The following CPLANE1 variants were observed in gnomAD, a reference collection of about 807,000 sequenced individuals.
CPLANE1 encodes ciliogenesis and planar polarity effector complex subunit 1.
CPLANE1 carries 263 observed loss-of-function variants against 362.5 expected under a neutral mutation model. The observed-to-expected ratio is 0.73, with a 90% confidence interval of 0.66 to 0.80. CPLANE1 has a LOEUF of 0.80. Among genes scored for constraint, CPLANE1 ranks in the 30% least tolerant of loss-of-function variants. The pLI, the probability that CPLANE1 is intolerant of heterozygous loss-of-function variation, is 0.00. For missense variants in CPLANE1, 3,461 were observed against 3,793.4 expected (o/e 0.91, Z 2.30); for synonymous variants, 1,212 against 1,302.6 (o/e 0.93, Z 1.50).
In CPLANE1 at chr5:37,141,149, G is replaced by T. The variant is rs1181847216; in HGVS notation, c.8632+1161C>A. 3.0e-6 allele frequency: 3 copies of T among 984,948 alleles called. No homozygotes were observed. In the East Asian group the frequency reaches 3.4e-4, roughly 112 times the overall value. The allele number at this position is 984,948 out of a possible 1,614,324, so 61.0% of individuals were successfully genotyped here. A position where few individuals can be genotyped will look rare whatever the true frequency, so the allele number is the denominator to read the frequency against. ...CTAGCCAGGCCCTCATTATTTCCCA[G>T]GTCAGATTTTAGTAGCCTCCTCAGT... On this transcript the variant is annotated intron_variant, in intron 44 of 52. Coordinates refer to ENST00000651892, the MANE Select transcript of CPLANE1 (RefSeq NM_001384732.1).
intron 47 of CPLANE1, among the ~76,000 whole-genome samples, chr5:37,123,303 T>C (rs1416848153): frequency 2.0e-5 from 3 of 152,174 alleles, no homozygotes; most frequent in Non-Finnish European, 2.9e-5. Flanking sequence ...CAATTATGTA[T>C]ATAAAAATGG....
intron 21 of CPLANE1, among the ~76,000 whole-genome samples, chr5:37,194,726 C>T (rs933451338): frequency 1.3e-5 from 2 of 150,276 alleles, no homozygotes; most frequent in African/African-American, 4.9e-5. Flanking sequence ...TGGCTATTCA[C>T]AGGTACAATC....
chr5:37,125,052 C>A (rs1245329948), intron 47 of CPLANE1, 192 bp downstream of exon 47: 3 of 1,356,678 alleles, frequency 2.2e-6, no homozygotes, highest in Non-Finnish European at 2.8e-6. Context: ...TTCAGTATAA[C>A]TTGGTTAGCA....
At position 37,173,740 on chromosome 5, in the gene CPLANE1, T is replaced by C. The variant is rs779590460; in HGVS notation, c.6171+15A>G. On this transcript the variant is annotated intron_variant, in intron 32 of 52. Transcript: ENST00000651892. Reference sequence around the variant, plus strand: ...CTATGTGTAGATTTACTTACTTATATAGAGATGTGCTTACCTGAACTAATT... The same window carrying C: ...CTATGTGTAGATTTACTTACTTATACAGAGATGTGCTTACCTGAACTAATT... 5.6e-6 allele frequency: 9 copies of C among 1,605,998 alleles called. No homozygotes were observed. The South Asian group carries it at 6.6e-5, about 12-fold the overall frequency.
rs1488510869 is a variant in CPLANE1, at chr5:37,125,493, C to T, written c.8793-84G>A. Reference sequence around the variant, plus strand: ...ATATCATGACTAAACACTATTTATCCGGAAATATTTTGCCCCATCTTCAAA... The same window carrying T: ...ATATCATGACTAAACACTATTTATCTGGAAATATTTTGCCCCATCTTCAAA... On this transcript the variant is annotated intron_variant, in intron 46 of 52. Coordinates refer to ENST00000651892, the MANE Select transcript of CPLANE1 (RefSeq NM_001384732.1). The T allele has an allele frequency of 3.4e-5, 46 of 1,364,174 alleles. 1 individual carries two copies. In the East Asian group the frequency reaches 7.9e-4, roughly 23 times the overall value. 84.5% of individuals were successfully genotyped at this position (1,364,174 alleles called of 1,614,324 possible).
At chr5:37,205,848 G>C (rs1159656532) in intron 17 of CPLANE1, among the ~76,000 whole-genome samples, 1 of 152,068 alleles carries the variant, frequency 6.6e-6, no homozygotes, top group Non-Finnish European at 1.5e-5. Flanking sequence ...CAAGTAGTTG[G>C]GACCACAGGC....
Position 37,213,752 on chromosome 5 carries a change from C to T in CPLANE1, c.2747-20G>A. ...CAGCACCTAAGGAATACAGCAATGA[C>T]CTAAGAAGATTGTGATCAACTACCA... On this transcript the variant is annotated intron_variant, in intron 15 of 52. Transcript: ENST00000651892. 1 of 1,408,876 alleles carries T rather than the reference C, an allele frequency of 7.1e-7. No individual in the cohort carries two copies. Among genetic ancestry groups the T allele is most frequent in the Middle Eastern group, 1.8e-4 (1 of 5,480 alleles). 87.3% of individuals were successfully genotyped at this position (1,408,876 alleles called of 1,614,324 possible).
At chr5:37,235,316 A>C (rs1798711502) in intron 8 of CPLANE1, among the ~76,000 whole-genome samples, 1 of 152,102 alleles carries the variant, frequency 6.6e-6, no homozygotes, top group Non-Finnish European at 1.5e-5. Flanking sequence ...CTGATAAAAG[A>C]AATTATAATT....
chr5:37,093,209 T>C, the CPLANE1 span, among the ~76,000 whole-genome samples: 1 of 152,186 alleles, frequency 6.6e-6, no homozygotes, highest in Non-Finnish European at 1.5e-5. Flanking sequence ...CCTTTGTAGA[T>C]AATCTGGCCA....
chr5:37,075,947 T>C, the CPLANE1 span, among the ~76,000 whole-genome samples: 1 of 151,772 alleles, frequency 6.6e-6, no homozygotes, highest in Non-Finnish European at 1.5e-5. Context: ...TGCACTCACT[T>C]AAGAAATGGA....
chr5:37,241,309 G>C (rs189567389), intron 6 of CPLANE1, among the ~76,000 whole-genome samples: 4 of 152,038 alleles, frequency 2.6e-5, no homozygotes, highest in African/African-American at 9.7e-5. Flanking sequence ...CAAAAAATTA[G>C]CTGGGTTTGT....
chr5:37,140,420 T>C, intron 44 of CPLANE1: 1 of 985,052 alleles, frequency 1.0e-6, no homozygotes, highest in Non-Finnish European at 1.2e-6. Context: ...CATTTGTGGG[T>C]TAAGAGCAAC....
intron 9 of CPLANE1, among the ~76,000 whole-genome samples, chr5:37,229,830 G>C (rs996036268): frequency 2.0e-5 from 3 of 152,040 alleles, no homozygotes; most frequent in Non-Finnish European, 4.4e-5. Flanking sequence ...CATAGTAAAA[G>C]AAACTGAGGC....
chr5:37,151,865 A>C (rs774910551), intron 42 of CPLANE1, among the ~76,000 whole-genome samples: 23 of 152,018 alleles, frequency 1.5e-4, no homozygotes, highest in South Asian at 8.3e-4. Flanking sequence ...CCTGGGCAAC[A>C]TGGTGAAACC....
At chr5:37,211,517 G>A in intron 16 of CPLANE1, 1 of 1,315,432 alleles carries the variant, frequency 7.6e-7, no homozygotes, top group Non-Finnish European at 1.1e-6. Context: ...TGGAAGCCCT[G>A]ACAGGCAGTG....
chr5:37,141,950 C>T, intron 44 of CPLANE1: 1 of 529,400 alleles, frequency 1.9e-6, no homozygotes, highest in African/African-American at 2.1e-5. Context: ...ATGGTAGAGG[C>T]TCAAGAAATG....
At chr5:37,221,281 T>C in intron 15 of CPLANE1, 43 bp downstream of exon 15, 1 of 1,355,290 alleles carries the variant, frequency 7.4e-7, no homozygotes, top group Non-Finnish European at 9.8e-7. Context: ...AGGGAGACCC[T>C]GTCTCTTTTT....
rs75589774 is a variant in CPLANE1 at position 37,182,800 on chromosome 5, G to C, written c.5381C>G (p.Pro1794Arg). 2 of 1,612,966 alleles carry C rather than the reference G, an allele frequency of 1.2e-6. No homozygotes were observed. The highest frequency in any genetic ancestry group is 2.2e-5 in the South Asian group (2 of 90,960). Residue 1794 changes from proline (P) to arginine (R), a missense_variant, in exon 26 of 53, where the codon CCC becomes CGC. This residue lies in a region of CPLANE1 where 3,380 missense variants were observed against 3,666.1 expected (regional missense o/e 0.92). Coordinates refer to ENST00000651892, the MANE Select transcript of CPLANE1 (RefSeq NM_001384732.1). The stretch of plus-strand genomic sequence containing the variant: ...TTTTGCCTTATATGTAGCAAAATAG[G>C]GTTGTTCCAAAAGCCATAATGATGT... ...ILTSLWLLEQ[P>R]YFATYKAKNA...
intron 15 of CPLANE1, among the ~76,000 whole-genome samples, chr5:37,220,181 G>A (rs567223345): frequency 8.6e-5 from 13 of 151,730 alleles, no homozygotes; most frequent in South Asian, 8.3e-4. Context: ...GAGCCCAGGC[G>A]CCAGAGGTCA....
Sources: allele counts gnomAD v4.1 joint callset (sites outside exome capture counted in the v4.1 genomes callset), GRCh38; gene constraint gnomAD v4.1.1; regional missense constraint gnomAD v4.1.1; transcripts MANE v1.5; gene names NCBI Gene and HGNC (gene_info 2026-07-23, HGNC 2026-07-21).